CDC5L: variants seen among roughly 807,000 people sequenced by gnomAD.
CDC5L encodes the protein cell division cycle 5-like protein.
A neutral mutation model predicts 104.1 loss-of-function variants in CDC5L; 18 were observed. The ratio of observed to expected loss-of-function variants is 0.17; its 90% CI spans 0.12 to 0.26. The LOEUF (loss-of-function observed/expected upper bound fraction) is 0.26. Ranked by LOEUF, CDC5L falls within the 10% of genes least tolerant of loss-of-function variation. The probability of loss-of-function intolerance (pLI) is 1.00; values close to 1 mark genes in which losing one functional copy is unlikely to be tolerated. For synonymous variants in CDC5L, 331 were observed against 322.7 expected (o/e 1.03, Z -0.28); for missense variants, 673 against 956.9 (o/e 0.70, Z 3.91).
chr6:44,422,669 G>A lies in CDC5L; in HGVS notation c.1264G>A (p.Gly422Arg), dbSNP rs1254684610. The A allele has an allele frequency of 1.2e-6, 2 of 1,610,184 alleles. No individual in the cohort carries two copies. The highest frequency in any genetic ancestry group is 2.7e-5 in the African/African-American group (2 of 74,566). Residue 422 changes from glycine to arginine, a missense_variant, in exon 10 of 16, where the codon GGG (glycine) becomes AGG (arginine). This residue lies in a region of CDC5L where 578 missense variants were observed against 737.0 expected (regional missense o/e 0.78). Transcript: ENST00000371477. ...PFRTPSNGAE[G>R]LTPRSGTTPK... ...TAGGACTCCTTCTAATGGAGCTGAAGGGCTGACTCCCCGGAGTGGAACAAC... is the reference window on the plus strand; with the variant it reads ...TAGGACTCCTTCTAATGGAGCTGAAAGGCTGACTCCCCGGAGTGGAACAAC...
intron 8 of CDC5L, among the ~76,000 whole-genome samples, chr6:44,417,924 A>G (rs1791977223): frequency 6.6e-6 from 1 of 152,220 alleles, no homozygotes; most frequent in Admixed American, 6.5e-5. Context: ...TGTAATAGTA[A>G]TTTCATATGT....
In CDC5L at chr6:44,388,158, C is replaced by CG. The variant is rs869068229; in HGVS notation, c.45+290_45+291insG. ...CGCCCCCTCCCACCCCGCCCCCCCG[C>CG]CCCCCCCGGCCCCGGGAAGAACTCA... On this transcript the variant is annotated intron_variant, in intron 1 of 15. Transcript: ENST00000371477. 5.6e-4 allele frequency among the ~76,000 whole-genome samples: 3 copies of CG among 5,312 alleles called. No individual in the cohort carries two copies. In the Non-Finnish European group the frequency reaches 0.013, roughly 24 times the overall value. The allele number at this position is 5,312 out of a possible 152,430, so 3.5% of individuals were successfully genotyped here.
intron 5 of CDC5L, among the ~76,000 whole-genome samples, chr6:44,403,205 A>G (rs1216223729): frequency 1.3e-5 from 2 of 152,178 alleles, no homozygotes; most frequent in African/African-American, 2.4e-5. Context: ...ATATGCACAA[A>G]TGGTACTTGT....
chr6:44,388,207 G>T (rs1790438694), intron 1 of CDC5L, among the ~76,000 whole-genome samples: 2 of 134,356 alleles, frequency 1.5e-5, no homozygotes, highest in African/African-American at 5.7e-5. Context: ...GCCAGAGTTG[G>T]TCCCCCGGGG....
At chr6:44,393,613 G>T (rs1224660312) in intron 4 of CDC5L, 40 bp downstream of exon 4, 3 of 1,587,394 alleles carry the variant, frequency 1.9e-6, no homozygotes, top group Admixed American at 1.8e-5. Flanking sequence ...TTTGGTAACT[G>T]TAAACTCCTT....
At position 44,446,766 on chromosome 6, in the gene CDC5L, G is replaced by T; in HGVS notation, c.*55G>T. 1.2e-6 allele frequency: 1 copy of T among 862,634 alleles called. No individual in the cohort carries two copies. The allele number at this position is 862,634 out of a possible 1,614,324, so 53.4% of individuals were successfully genotyped here. A position where few individuals can be genotyped will look rare whatever the true frequency, so the allele number is the denominator to read the frequency against. On this transcript the variant is annotated 3_prime_UTR_variant, in exon 16 of 16. Coordinates refer to ENST00000371477, the MANE Select transcript of CDC5L (RefSeq NM_001253.4). Reference sequence around the variant, plus strand: ...ATTAATTGCCGGTTTTCATACTCTAGAAGGCTGAAACTGATGTTTATCTTC... The same window carrying T: ...ATTAATTGCCGGTTTTCATACTCTATAAGGCTGAAACTGATGTTTATCTTC...
chr6:44,429,924 T>C lies in CDC5L; in HGVS notation c.2091+14T>C. On this transcript the variant is annotated intron_variant, in intron 14 of 15. Transcript: ENST00000371477. ...AAGAGGCTCGAGGTTGGTATCCTTTTAAAATTTTAATTTTAAATGTACTTT... is the reference window on the plus strand; with the variant it reads ...AAGAGGCTCGAGGTTGGTATCCTTTCAAAATTTTAATTTTAAATGTACTTT... 1 of 1,599,056 alleles carries C rather than the reference T, an allele frequency of 6.3e-7. No individual in the cohort carries two copies. Among genetic ancestry groups the C allele is most frequent in the East Asian group, 2.2e-5 (1 of 44,626 alleles).
chr6:44,424,022 G>T (rs11572011), intron 10 of CDC5L, among the ~76,000 whole-genome samples: 1,800 of 152,178 alleles, frequency 0.012, 18 homozygotes, highest in Middle Eastern at 0.054. Context: ...TGGGAAGAAG[G>T]GGGGATAGAA....
chr6:44,446,096 A>G (rs927847331), intron 15 of CDC5L, among the ~76,000 whole-genome samples: 2 of 152,190 alleles, frequency 1.3e-5, no homozygotes, highest in Admixed American at 1.3e-4. Context: ...TTCTGTTTCC[A>G]ATATGTAGAT....
intron 8 of CDC5L, among the ~76,000 whole-genome samples, chr6:44,411,378 A>G (rs1204507191): frequency 6.6e-6 from 1 of 152,032 alleles, no homozygotes; most frequent in East Asian, 1.9e-4. Flanking sequence ...CAGAGAAGTA[A>G]TTTCCAGTCT....
At chr6:44,407,867 T>C (rs1791444579) in intron 7 of CDC5L, among the ~76,000 whole-genome samples, 1 of 152,220 alleles carries the variant, frequency 6.6e-6, no homozygotes, top group Non-Finnish European at 1.5e-5. Context: ...CACCTTAGGA[T>C]ATTTATTTTG....
rs190186267 is a variant in CDC5L, at chr6:44,400,445, T to G, written c.540-3364T>G. ...CTCTGTCACCCAGGCTGGAGTGCAG[T>G]GGCATGATCTCGGCTCACTGCAACT... On this transcript the variant is annotated intron_variant, in intron 5 of 15. Coordinates refer to ENST00000371477, the MANE Select transcript of CDC5L (RefSeq NM_001253.4). 3.3e-5 allele frequency among the ~76,000 whole-genome samples: 5 copies of G among 152,356 alleles called. No individual in the cohort carries two copies. The East Asian group carries it at 7.7e-4, about 23-fold the overall frequency.
intron 11 of CDC5L, 118 bp downstream of exon 11, chr6:44,424,701 A>G: frequency 1.2e-6 from 1 of 853,220 alleles, no homozygotes; most frequent in Non-Finnish European, 1.8e-6. Flanking sequence ...AATATTGAAA[A>G]AACTTCTAAA....
intron 2 of CDC5L, among the ~76,000 whole-genome samples, chr6:44,391,227 CTG>C (rs1427582338): frequency 1.3e-5 from 2 of 150,206 alleles, no homozygotes; most frequent in African/African-American, 4.9e-5. Flanking sequence ...TAAGCCAACT[CTG>C]AACCTGTGGT....
At chr6:44,442,261 G>A (rs1476304009) in intron 14 of CDC5L, among the ~76,000 whole-genome samples, 2 of 152,112 alleles carry the variant, frequency 1.3e-5, no homozygotes, top group Non-Finnish European at 2.9e-5. Flanking sequence ...ATTGGGGAAT[G>A]TAATCCATTT....
rs145016358 is a variant in CDC5L at position 44,441,932 on chromosome 6, C to CTTTTT, written c.2092-3704_2092-3700dup. Among the ~76,000 whole-genome samples, 169 of 92,842 alleles carry CTTTTT rather than the reference C, an allele frequency of 1.8e-3. 4 individuals carry two copies. Among genetic ancestry groups the CTTTTT allele is most frequent in the African/African-American group, 4.4e-3 (99 of 22,638 alleles). 60.9% of individuals were successfully genotyped at this position (92,842 alleles called of 152,430 possible). On this transcript the variant is annotated intron_variant, in intron 14 of 15. Transcript: ENST00000371477. ...TCCCAGCACTTTGTAAGGTCTTGTT[C>CTTTTT]TTTTTTTTTTTTTTTTTTTTTTTGA...
At chr6:44,403,140 A>T (rs574741712) in intron 5 of CDC5L, among the ~76,000 whole-genome samples, 18 of 152,240 alleles carry the variant, frequency 1.2e-4, no homozygotes, top group African/African-American at 4.3e-4. Flanking sequence ...CAGACTGTCC[A>T]TTTTTTGCAG....
chr6:44,438,349 G>A (rs1203476169), intron 14 of CDC5L, among the ~76,000 whole-genome samples: 1 of 152,200 alleles, frequency 6.6e-6, no homozygotes, highest in Non-Finnish European at 1.5e-5. Context: ...ATATAGTTGA[G>A]AAAACAACTG....
intron 4 of CDC5L, among the ~76,000 whole-genome samples, chr6:44,395,253 C>G (rs942744730): frequency 6.6e-6 from 1 of 152,156 alleles, no homozygotes; most frequent in Admixed American, 6.5e-5. Flanking sequence ...TTCAAAGTAG[C>G]TGGAAGAGAG....
Sources: allele counts gnomAD v4.1 joint callset (sites outside exome capture counted in the v4.1 genomes callset), GRCh38; gene constraint gnomAD v4.1.1; regional missense constraint gnomAD v4.1.1; transcripts MANE v1.5; gene names NCBI Gene and HGNC (gene_info 2026-07-23, HGNC 2026-07-21).